ANKRD13C: variants seen among roughly 807,000 people sequenced by gnomAD.
The protein encoded by ANKRD13C is ankyrin repeat domain 13C.
A neutral mutation model predicts 65.5 loss-of-function variants in ANKRD13C; 16 were observed. That is an observed-to-expected ratio of 0.24 (90% CI 0.17 to 0.37). ANKRD13C has a LOEUF of 0.37. Among genes scored for constraint, ANKRD13C ranks in the 10% least tolerant of loss-of-function variants. The pLI, the probability that ANKRD13C is intolerant of heterozygous loss-of-function variation, is 1.00. For missense variants in ANKRD13C, 503 were observed against 655.9 expected (o/e 0.77, Z 2.55); for synonymous variants, 235 against 238.7 (o/e 0.98, Z 0.14).
chr1:70,272,751 G>A (rs1237730496), intron 11 of ANKRD13C, among the ~76,000 whole-genome samples: 1 of 151,882 alleles, frequency 6.6e-6, no homozygotes, highest in African/African-American at 2.4e-5. Context: ...CACTTTAAGA[G>A]GCCCAGGTGG....
chr1:70,331,181 A>C (rs192984964), intron 2 of ANKRD13C, among the ~76,000 whole-genome samples: 3 of 152,362 alleles, frequency 2.0e-5, no homozygotes. Context: ...CAATGAAATC[A>C]CTAAAGGTAC....
At chr1:70,294,544 G>A (rs1679996227) in intron 8 of ANKRD13C, among the ~76,000 whole-genome samples, 1 of 151,304 alleles carries the variant, frequency 6.6e-6, no homozygotes. Context: ...AAAAACTGAG[G>A]TTTCCAGGAA....
chr1:70,354,028 T>A lies in ANKRD13C; in HGVS notation c.381A>T (p.Arg127Ser). 1.3e-6 allele frequency: 2 copies of A among 1,564,180 alleles called. No individual in the cohort carries two copies. Among genetic ancestry groups the A allele is most frequent in the East Asian group, 4.5e-5 (2 of 44,312 alleles). ...TGTGCGTGCGGATGAGAGAGGAGAG[T>A]CTCCTCACATCCCCCTTGAAGACGC... is the stretch of plus-strand genomic sequence containing the variant. ...HECVFKGDVRRLSSLIRTHNI... is the reference protein window; with the variant it reads ...HECVFKGDVRSLSSLIRTHNI... Residue 127 changes from arginine (R) to serine (S), a missense_variant, in exon 1 of 13, where the codon AGA becomes AGT. Around this residue, in one of 2 missense-constraint regions of ANKRD13C, gnomAD observed 203 missense variants for 177.6 expected, o/e 1.14. Coordinates refer to ENST00000370944, the MANE Select transcript of ANKRD13C (RefSeq NM_030816.5).
In ANKRD13C at chr1:70,353,962, G is replaced by A; in HGVS notation, c.430+17C>T. 2 of 1,506,364 alleles carry A rather than the reference G, an allele frequency of 1.3e-6. No homozygotes were observed. The highest frequency in any genetic ancestry group is 1.4e-5 in the African/African-American group (1 of 71,732). The allele number at this position is 1,506,364 out of a possible 1,614,324, so 93.3% of individuals were successfully genotyped here. ...CTCGGGGAAGGAGAGAGGTGGAGAG[G>A]GGCTAGCACTCCTCACCGTGATTAT... On this transcript the variant is annotated intron_variant, in intron 1 of 12. Coordinates refer to ENST00000370944, the MANE Select transcript of ANKRD13C (RefSeq NM_030816.5).
At chr1:70,341,038 A>C (rs1682284369) in intron 1 of ANKRD13C, among the ~76,000 whole-genome samples, 1 of 152,178 alleles carries the variant, frequency 6.6e-6, no homozygotes, top group African/African-American at 2.4e-5. Flanking sequence ...TGAACCCAGG[A>C]GGCGGAGGTT....
chr1:70,318,044 T>TA (rs1681144190), intron 3 of ANKRD13C, among the ~76,000 whole-genome samples: 2 of 152,298 alleles, frequency 1.3e-5, no homozygotes, highest in African/African-American at 4.8e-5. Flanking sequence ...TATAGCACAG[T>TA]ATAATAACAT....
intron 11 of ANKRD13C, among the ~76,000 whole-genome samples, 162 bp downstream of exon 11, chr1:70,274,558 C>T (rs555908535): frequency 1.3e-4 from 20 of 151,404 alleles, no homozygotes; most frequent in Non-Finnish European, 1.9e-4. Flanking sequence ...AATACTTTTG[C>T]GAACCAGAAA....
chr1:70,341,448 G>A (rs913057630), intron 1 of ANKRD13C, among the ~76,000 whole-genome samples: 5 of 136,726 alleles, frequency 3.7e-5, no homozygotes, highest in Admixed American at 8.1e-5. Context: ...TGCACCCTCC[G>A]CCTCCCAGGT....
chr1:70,319,376 C>G (rs1035428521), intron 3 of ANKRD13C, among the ~76,000 whole-genome samples: 7 of 151,958 alleles, frequency 4.6e-5, no homozygotes, highest in African/African-American at 1.5e-4. Context: ...GAGGCCGAGC[C>G]GGGTGGATTG....
rs988029991 is a variant in ANKRD13C, at chr1:70,315,411, GA to G, written c.663+69del. The G allele has an allele frequency of 1.6e-5, 22 of 1,360,876 alleles. No homozygotes were observed. The African/African-American group carries it at 1.9e-4, about 12-fold the overall frequency. The allele number at this position is 1,360,876 out of a possible 1,614,324, so 84.3% of individuals were successfully genotyped here. On this transcript the variant is annotated intron_variant, in intron 4 of 12. Transcript: ENST00000370944. Reference sequence around the variant, plus strand: ...TAAGTGAGAATTTAAGTTGTATTAAGAAAAAAATGCTTAAAACTACACTTAT... The same window carrying G: ...TAAGTGAGAATTTAAGTTGTATTAAGAAAAAATGCTTAAAACTACACTTAT...
chr1:70,286,553 A>G (rs576530654), intron 9 of ANKRD13C, among the ~76,000 whole-genome samples: 33 of 152,320 alleles, frequency 2.2e-4, no homozygotes, highest in Middle Eastern at 6.8e-3. Flanking sequence ...TTTATTCACT[A>G]TTATACTGGT....
chr1:70,292,377 A>G lies in ANKRD13C; in HGVS notation c.1215+11T>C, dbSNP rs770232102. On this transcript the variant is annotated intron_variant, in intron 9 of 12. Transcript: ENST00000370944. ...TAGAAAACTACAAATTAGAAGAATT[A>G]AAAATTATACCTCAAAATTCTGTTC... 9.0e-6 allele frequency: 14 copies of G among 1,557,970 alleles called. No homozygotes were observed. Among genetic ancestry groups the G allele is most frequent in the African/African-American group, 1.4e-5 (1 of 71,800 alleles).
intron 7 of ANKRD13C, among the ~76,000 whole-genome samples, chr1:70,297,287 ATTTTTTTTTT>A (rs748635051): frequency 7.1e-5 from 7 of 98,804 alleles, no homozygotes; most frequent in Non-Finnish European, 1.4e-4. Context: ...TCCCTTTCTG[ATTTTTTTTTT>A]TTTTTTTTTT....
intron 6 of ANKRD13C, among the ~76,000 whole-genome samples, chr1:70,303,495 G>C (rs752586624): frequency 5.9e-5 from 9 of 152,118 alleles, no homozygotes; most frequent in Non-Finnish European, 2.9e-5. Context: ...AAGACAAAAA[G>C]TGTACAAATA....
chr1:70,266,446 T>TTG (rs991705308), intron 12 of ANKRD13C, among the ~76,000 whole-genome samples: 3 of 152,168 alleles, frequency 2.0e-5, no homozygotes, highest in Non-Finnish European at 4.4e-5. Context: ...TGTGTACTTT[T>TTG]TGTGTGTGTG....
chr1:70,353,149 T>C (rs1201275210), intron 1 of ANKRD13C, among the ~76,000 whole-genome samples: 1 of 152,220 alleles, frequency 6.6e-6, no homozygotes, highest in African/African-American at 2.4e-5. Context: ...ATGTCAGTGT[T>C]CACATTAGTC....
At chr1:70,265,783 C>T (rs1225511967) in intron 12 of ANKRD13C, among the ~76,000 whole-genome samples, 1 of 139,218 alleles carries the variant, frequency 7.2e-6, no homozygotes, top group African/African-American at 2.7e-5. Context: ...CGAGATCATG[C>T]CACTGCATTC....
chr1:70,269,151 T>C (rs1487654492), intron 12 of ANKRD13C, among the ~76,000 whole-genome samples: 3 of 151,354 alleles, frequency 2.0e-5, no homozygotes, highest in African/African-American at 7.3e-5. Flanking sequence ...TTTTACAGGG[T>C]TGGTTCAAAA....
intron 3 of ANKRD13C, among the ~76,000 whole-genome samples, chr1:70,317,835 T>A (rs1327881463): frequency 6.6e-6 from 1 of 152,148 alleles, no homozygotes; most frequent in East Asian, 1.9e-4. Context: ...ATGAAAAGAA[T>A]TCAATTCCTA....
Sources: allele counts gnomAD v4.1 joint callset (sites outside exome capture counted in the v4.1 genomes callset), GRCh38; gene constraint gnomAD v4.1.1; regional missense constraint gnomAD v4.1.1; transcripts MANE v1.5; gene names NCBI Gene and HGNC (gene_info 2026-07-23, HGNC 2026-07-21).